NXPE4: variants seen among roughly 807,000 people sequenced by gnomAD.
NXPE4 encodes the protein NXPE family member 4.
NXPE4 carries 42 observed loss-of-function variants against 33.3 expected under a neutral mutation model. That is an observed-to-expected ratio of 1.26 (90% CI 0.98 to 1.63). The LOEUF (loss-of-function observed/expected upper bound fraction) is 1.63, where lower values mean the gene tolerates loss of function less well. NXPE4 is among the 40% of genes most tolerant of loss of function. The pLI is 0.00. For synonymous variants in NXPE4, 253 were observed against 234.9 expected, an observed-to-expected ratio of 1.08 and a Z score of -0.71; for missense variants, 709 against 647.6, an observed-to-expected ratio of 1.09 and a Z score of -1.03.
At chr11:114,613,408 A>C in the NXPE4 span, among the ~76,000 whole-genome samples, 1 of 151,314 alleles carries the variant, frequency 6.6e-6, no homozygotes, top group Non-Finnish European at 1.5e-5. Flanking sequence ...GTGGGTAAGC[A>C]CTGTTACCTG....
chr11:114,579,492 GACCCCAA>G (rs1949087222), intron 5 of NXPE4, among the ~76,000 whole-genome samples: 1 of 152,178 alleles, frequency 6.6e-6, no homozygotes, highest in African/African-American at 2.4e-5. Context: ...AGATCTGTTA[GACCCCAA>G]GCCCATGCTT....
At chr11:114,597,251 G>A (rs1949584010), upstream of NXPE4, among the ~76,000 whole-genome samples, 1 of 152,078 alleles carries the variant, frequency 6.6e-6, no homozygotes, top group Non-Finnish European at 1.5e-5. Flanking sequence ...TAGCCCAATA[G>A]AAGGAAAAGG....
At chr11:114,615,236 C>A in the NXPE4 span, among the ~76,000 whole-genome samples, 1 of 151,830 alleles carries the variant, frequency 6.6e-6, no homozygotes, top group Non-Finnish European at 1.5e-5. Context: ...TCTTGGGTAA[C>A]CACTGTTACC....
rs1432411271 is a variant in NXPE4, at chr11:114,571,035, G to A, written c.1538C>T (p.Ala513Val). Residue 513 changes from alanine to valine, a missense_variant, in exon 6 of 6, where the codon GCC becomes GTC. Physicochemically the swap from Ala to Val is moderately conservative, Grantham distance 64. Coordinates refer to ENST00000375478, the MANE Select transcript of NXPE4 (RefSeq NM_001077639.2). ...FQDLSVSIID[A>V]WDITIAYGTN... ...GCCATATGCAATTGTTATATCCCAG[G>A]CATCAATGATACTCACACTGAGATC... 2.5e-6 allele frequency: 4 copies of A among 1,613,060 alleles called. No individual in the cohort carries two copies. The highest frequency in any genetic ancestry group is 3.4e-6 in the Non-Finnish European group (4 of 1,179,144).
the NXPE4 span, among the ~76,000 whole-genome samples, chr11:114,644,804 C>T: frequency 1.3e-5 from 2 of 151,282 alleles, no homozygotes; most frequent in Non-Finnish European, 2.9e-5. Flanking sequence ...ATAATGGAGC[C>T]CACCCTGCCA....
intron 2 of NXPE4, among the ~76,000 whole-genome samples, chr11:114,587,478 T>C (rs1182637594): frequency 1.3e-5 from 2 of 152,202 alleles, no homozygotes; most frequent in Non-Finnish European, 2.9e-5. Flanking sequence ...ATCCATCTAT[T>C]GGAGAGTCAT....
At chr11:114,653,985 G>A in the NXPE4 span, among the ~76,000 whole-genome samples, 51 of 152,262 alleles carry the variant, frequency 3.3e-4, no homozygotes, top group African/African-American at 1.2e-3. Context: ...TACTTGGAAG[G>A]AAGGCATACC....
At chr11:114,608,060 G>A in the NXPE4 span, among the ~76,000 whole-genome samples, 1 of 151,620 alleles carries the variant, frequency 6.6e-6, no homozygotes, top group East Asian at 2.0e-4. Flanking sequence ...TTCCTCGGGG[G>A]TAACCACTGT....
At chr11:114,614,640 T>C in the NXPE4 span, among the ~76,000 whole-genome samples, 1 of 151,108 alleles carries the variant, frequency 6.6e-6, no homozygotes, top group East Asian at 2.0e-4. Context: ...ATTATAAGTA[T>C]TGCCTTGTGG....
At chr11:114,628,891 C>T in the NXPE4 span, among the ~76,000 whole-genome samples, 1 of 151,944 alleles carries the variant, frequency 6.6e-6, no homozygotes, top group African/African-American at 2.4e-5. Context: ...ATGCTACAAA[C>T]ACCTCTATGC....
chr11:114,654,749 A>G, the NXPE4 span, among the ~76,000 whole-genome samples: 90,184 of 152,020 alleles, frequency 0.59, 28,334 homozygotes, highest in East Asian at 0.88. Context: ...GTTCCGTGTC[A>G]TTGCTATTGT....
chr11:114,573,788 C>T (rs922815466), intron 5 of NXPE4, among the ~76,000 whole-genome samples: 18 of 152,000 alleles, frequency 1.2e-4, no homozygotes, highest in Admixed American at 3.9e-4. Flanking sequence ...CCACTGACAG[C>T]GCTAGACTGG....
At chr11:114,627,786 A>G in the NXPE4 span, among the ~76,000 whole-genome samples, 1 of 152,100 alleles carries the variant, frequency 6.6e-6, no homozygotes, top group African/African-American at 2.4e-5. Context: ...TCTCACAGGC[A>G]GAGACACACA....
the NXPE4 span, among the ~76,000 whole-genome samples, chr11:114,616,068 G>T: frequency 6.6e-6 from 1 of 150,870 alleles, no homozygotes; most frequent in Admixed American, 6.6e-5. Context: ...TTGCCTCATG[G>T]GTAAACACTG....
the NXPE4 span, among the ~76,000 whole-genome samples, chr11:114,631,014 T>G: frequency 6.6e-6 from 1 of 151,094 alleles, no homozygotes; most frequent in Non-Finnish European, 1.5e-5. Context: ...CATTAAAAAG[T>G]CAGGAAACAA....
At chr11:114,617,681 A>C in the NXPE4 span, among the ~76,000 whole-genome samples, 3 of 152,140 alleles carry the variant, frequency 2.0e-5, no homozygotes, top group African/African-American at 7.2e-5. Flanking sequence ...TACCCGGTGG[A>C]TAAAAAGTAC....
chr11:114,671,585 A>G, the NXPE4 span, among the ~76,000 whole-genome samples: 3 of 152,132 alleles, frequency 2.0e-5, no homozygotes, highest in South Asian at 6.2e-4. Flanking sequence ...TAAGACTAAC[A>G]ACTGACTTTT....
At chr11:114,624,738 A>T in the NXPE4 span, among the ~76,000 whole-genome samples, 2,416 of 147,886 alleles carry the variant, frequency 0.016, 26 homozygotes, top group Non-Finnish European at 0.023. Context: ...TATTGCCTCC[A>T]GGGTAACCAC....
At chr11:114,574,845 C>T (rs1948962285) in intron 5 of NXPE4, among the ~76,000 whole-genome samples, 1 of 152,064 alleles carries the variant, frequency 6.6e-6, no homozygotes, top group Non-Finnish European at 1.5e-5. Context: ...TTCTATAAAG[C>T]CAGTATCATC....
Sources: allele counts gnomAD v4.1 joint callset (sites outside exome capture counted in the v4.1 genomes callset), GRCh38; gene constraint gnomAD v4.1.1; transcripts MANE v1.5; gene names NCBI Gene and HGNC (gene_info 2026-07-23, HGNC 2026-07-21).